CELF4: variants seen among roughly 807,000 people sequenced by gnomAD.
CELF4 encodes CUG-BP- and ETR-3-like factor 4.
In CELF4, 18 loss-of-function variants were observed where a neutral mutation model predicts 59.9. The observed-to-expected ratio is 0.30, with a 90% confidence interval of 0.21 to 0.45. The LOEUF (loss-of-function observed/expected upper bound fraction) is 0.45, where lower values mean the gene tolerates loss of function less well. Ranked by LOEUF, CELF4 falls within the 20% of genes least tolerant of loss-of-function variation. The pLI is 1.00. For missense variants in CELF4, 456 were observed against 689.0 expected (o/e 0.66, Z 3.79); for synonymous variants, 261 against 267.1 (o/e 0.98, Z 0.22).
chr18:37,272,481 C>G (rs150992788), intron 7 of CELF4, among the ~76,000 whole-genome samples: 197 of 150,866 alleles, frequency 1.3e-3, no homozygotes, highest in African/African-American at 4.6e-3. Flanking sequence ...TTCCAAACTC[C>G]TGTCCCTTGA....
intron 2 of CELF4, among the ~76,000 whole-genome samples, chr18:37,363,434 T>C (rs1603628417): frequency 6.6e-6 from 1 of 152,206 alleles, no homozygotes; most frequent in East Asian, 1.9e-4. Context: ...GGCCTTCTCT[T>C]AGAGCCTTAC....
At chr18:37,350,375 G>A (rs567336274) in intron 2 of CELF4, among the ~76,000 whole-genome samples, 11 of 152,208 alleles carry the variant, frequency 7.2e-5, no homozygotes, top group African/African-American at 1.9e-4. Flanking sequence ...AATAGACCAC[G>A]CGCGCTCCTC....
At position 37,438,057 on chromosome 18, in the gene CELF4, A is replaced by G. The variant is rs557578953; in HGVS notation, c.369+47468T>C. 2.0e-5 allele frequency among the ~76,000 whole-genome samples: 3 copies of G among 152,294 alleles called. No individual in the cohort carries two copies. In the South Asian group the frequency reaches 6.2e-4, roughly 32 times the overall value. ...AAGGCGGCTGTCTGCAAGCCCAGAA[A>G]AGAGCCCTCACCAGACACTGAATCT... On this transcript the variant is annotated intron_variant, in intron 2 of 12. Coordinates refer to ENST00000420428, the MANE Select transcript of CELF4 (RefSeq NM_020180.4).
chr18:37,391,286 T>C (rs536487028), intron 2 of CELF4, among the ~76,000 whole-genome samples: 4 of 152,294 alleles, frequency 2.6e-5, no homozygotes, highest in African/African-American at 9.6e-5. Flanking sequence ...CTAGGACACA[T>C]GGACACATGC....
intron 8 of CELF4, among the ~76,000 whole-genome samples, chr18:37,269,112 T>C (rs1407075616): frequency 6.6e-6 from 1 of 151,954 alleles, no homozygotes; most frequent in African/African-American, 2.4e-5. Flanking sequence ...GGGGATGCCA[T>C]CTCCCAGCCC....
rs762077520 is a variant in CELF4, at chr18:37,317,341, C to T, written c.448+4462G>A. Among the ~76,000 whole-genome samples, 12 of 152,312 alleles carry T rather than the reference C, an allele frequency of 7.9e-5. 1 individual carries two copies. In the South Asian group the frequency reaches 8.3e-4, roughly 11 times the overall value. On this transcript the variant is annotated intron_variant, in intron 3 of 12. Transcript: ENST00000420428. Reference sequence around the variant, plus strand: ...GGCGGAGGTTGCAGTGAGCCAAGATCGTGCTATCGCACTCCAGCCTGGGCA... The same window carrying T: ...GGCGGAGGTTGCAGTGAGCCAAGATTGTGCTATCGCACTCCAGCCTGGGCA...
intron 2 of CELF4, among the ~76,000 whole-genome samples, chr18:37,352,291 G>A (rs931665205): frequency 9.2e-5 from 14 of 152,166 alleles, no homozygotes; most frequent in African/African-American, 2.9e-4. Context: ...TGGCACAGCC[G>A]TGAGAGCTTA....
chr18:37,275,546 T>G, intron 3 of CELF4: 1 of 406,554 alleles, frequency 2.5e-6, no homozygotes, highest in Non-Finnish European at 4.6e-6. Context: ...CAGGGCAGGC[T>G]GCACCCTGAG....
intron 1 of CELF4, among the ~76,000 whole-genome samples, chr18:37,535,006 A>G (rs542594941): frequency 6.6e-6 from 1 of 152,342 alleles, no homozygotes; most frequent in African/African-American, 2.4e-5. Flanking sequence ...TCTACATGGC[A>G]GGCTGACGGA....
intron 2 of CELF4, among the ~76,000 whole-genome samples, chr18:37,472,807 T>G (rs547240944): frequency 3.5e-4 from 53 of 152,270 alleles, no homozygotes; most frequent in Non-Finnish European, 6.9e-4. Context: ...GAAATGAGGA[T>G]TACTCCAGGC....
At chr18:37,267,585 G>A (rs980479155) in intron 8 of CELF4, among the ~76,000 whole-genome samples, 1 of 152,182 alleles carries the variant, frequency 6.6e-6, no homozygotes, top group African/African-American at 2.4e-5. Flanking sequence ...ATAACACGAT[G>A]TGGCAGGAAG....
chr18:37,429,386 CTT>C (rs2099634110), intron 2 of CELF4, among the ~76,000 whole-genome samples: 1 of 151,550 alleles, frequency 6.6e-6, no homozygotes, highest in African/African-American at 2.4e-5. Flanking sequence ...TTATCTGCCT[CTT>C]TGTGTTTGCT....
chr18:37,421,040 G>T (rs1277156769), intron 2 of CELF4, among the ~76,000 whole-genome samples: 1 of 152,024 alleles, frequency 6.6e-6, no homozygotes, highest in African/African-American at 2.4e-5. Flanking sequence ...CCAACTCCTT[G>T]ACTCAAGTGT....
intron 2 of CELF4, among the ~76,000 whole-genome samples, chr18:37,453,648 G>A (rs7236596): frequency 0.16 from 23,936 of 152,086 alleles, 2,984 homozygotes; most frequent in African/African-American, 0.34. Flanking sequence ...GGTGGGACTC[G>A]GCACAGAGCA....
intron 10 of CELF4, among the ~76,000 whole-genome samples, chr18:37,263,678 G>A (rs894410506): frequency 6.6e-6 from 1 of 152,026 alleles, no homozygotes; most frequent in African/African-American, 2.4e-5. Flanking sequence ...GGCATTCCGA[G>A]ATCCCTGGCA....
chr18:37,361,009 A>T (rs549352751), intron 2 of CELF4, among the ~76,000 whole-genome samples: 9 of 152,348 alleles, frequency 5.9e-5, no homozygotes, highest in East Asian at 5.8e-4. Flanking sequence ...GTAGGTGTTC[A>T]TTAAACTCTA....
At chr18:37,399,598 G>C (rs938288295) in intron 2 of CELF4, among the ~76,000 whole-genome samples, 3 of 152,108 alleles carry the variant, frequency 2.0e-5, no homozygotes, top group Non-Finnish European at 4.4e-5. Flanking sequence ...GCTCTAGAAG[G>C]GTCCAAATAA....
At chr18:37,264,813 G>T (rs1601074284) in intron 9 of CELF4, 56 bp from the exon 10 acceptor site, 3 of 1,415,086 alleles carry the variant, frequency 2.1e-6, no homozygotes, top group Non-Finnish European at 2.9e-6. Flanking sequence ...GTGGAAGCAG[G>T]AAGAAAGAGA....
chr18:37,379,896 A>T (rs923785663), intron 2 of CELF4, among the ~76,000 whole-genome samples: 14 of 152,112 alleles, frequency 9.2e-5, no homozygotes, highest in Admixed American at 9.2e-4. Flanking sequence ...ATATTCAGGG[A>T]ACCTCAGTGA....
Sources: gnomAD v4.1 joint callset for allele counts (sites outside exome capture counted in the v4.1 genomes callset) on GRCh38, gnomAD v4.1.1 for gene constraint, MANE v1.5 for transcripts, NCBI Gene and HGNC (gene_info 2026-07-23, HGNC 2026-07-21) for gene names.